Variants in FUT8 observed in about 807,000 individuals in gnomAD.
The protein encoded by FUT8 is alpha-(1,6)-fucosyltransferase.
Under a neutral mutation model 71.3 loss-of-function variants are expected in FUT8, and 29 were observed. The observed-to-expected ratio is 0.41, with a 90% CI of 0.30 to 0.55. The LOEUF (loss-of-function observed/expected upper bound fraction) is 0.55, where lower values mean the gene tolerates loss of function less well. Among genes scored for constraint, FUT8 ranks in the 20% least tolerant of loss-of-function variants. The pLI is 0.34. For missense variants in FUT8, 544 were observed against 702.1 expected (o/e 0.77, Z 2.55); for synonymous variants, 254 against 239.3 (o/e 1.06, Z -0.57).
chr14:65,409,034 G>T (rs1162096957), upstream of FUT8, among the ~76,000 whole-genome samples: 1 of 152,124 alleles, frequency 6.6e-6, no homozygotes, highest in African/African-American at 2.4e-5. This position sits in a 1 kb window ranked among gnomAD's most constrained non-coding sequence, Gnocchi z 5.4. Context: ...AAGTTGGCTA[G>T]ATTTATAGTT....
chr14:65,519,788 TA>T (rs1259813371), intron 2 of FUT8, among the ~76,000 whole-genome samples: 5 of 152,188 alleles, frequency 3.3e-5, no homozygotes, highest in South Asian at 2.1e-4. Flanking sequence ...TTTTTTAATA[TA>T]TTTTTTTGAG....
chr14:65,468,459 A>G (rs945099713), intron 2 of FUT8: 11 of 331,928 alleles, frequency 3.3e-5, no homozygotes, highest in African/African-American at 1.5e-4. Context: ...TTCTGAAGAG[A>G]AAGTTTGATC....
At position 65,724,000 on chromosome 14, in the gene FUT8, A is replaced by G. The variant is rs371296849; in HGVS notation, c.1083-147A>G. 5.7e-5 allele frequency: 28 copies of G among 490,774 alleles called. 3 individuals carry two copies. The highest frequency in any genetic ancestry group is 4.2e-4 in the African/African-American group (21 of 50,446). The allele number at this position is 490,774 out of a possible 1,614,324, so 30.4% of individuals were successfully genotyped here. On this transcript the variant is annotated intron_variant, in intron 8 of 10. Transcript: ENST00000673929. ...TGTATTTTTGAGTTTTTAAAATACT[A>G]TGTGTTTTACTTTTTCTAATAGTGA...
At chr14:65,606,757 G>A (rs1253308658) in intron 3 of FUT8, among the ~76,000 whole-genome samples, 2 of 151,604 alleles carry the variant, frequency 1.3e-5, no homozygotes, top group African/African-American at 4.8e-5. Flanking sequence ...TTTGCAAAAT[G>A]AACTAGCTTA....
chr14:65,530,627 A>T (rs1241077301), intron 2 of FUT8, among the ~76,000 whole-genome samples: 3 of 152,174 alleles, frequency 2.0e-5, no homozygotes, highest in African/African-American at 7.2e-5. Context: ...CTGTTAAGTA[A>T]AGCCTGCTTT....
the FUT8 span, among the ~76,000 whole-genome samples, chr14:65,385,307 G>C: frequency 7.2e-5 from 11 of 152,070 alleles, no homozygotes; most frequent in African/African-American, 2.7e-4. Context: ...CCGAAGTGTT[G>C]CATATAAAAA....
Position 65,721,825 on chromosome 14 carries a change from A to G in FUT8, c.886A>G (p.Ser296Gly), listed in dbSNP as rs748674957. 3 of 1,614,102 alleles carry G rather than the reference A, an allele frequency of 1.9e-6. No homozygotes were observed. Among genetic ancestry groups the G allele is most frequent in the Admixed American group, 1.7e-5 (1 of 60,012 alleles). The change falls in exon 8 of 11, where the codon AGT becomes GGT. Residue 296 changes from serine to glycine, a missense_variant. Physicochemically the swap from Ser to Gly is moderately conservative, Grantham distance 56. Transcript: ENST00000673929. The stretch of plus-strand genomic sequence containing the variant: ...AGTGGTCGAGCTTCCCATTGTAGAC[A>G]GTCTTCATCCCCGTCCTCCATATTT... ...VQVVELPIVD[S>G]LHPRPPYLPL...
chr14:65,545,044 A>G (rs1404116910), intron 2 of FUT8, among the ~76,000 whole-genome samples: 2 of 135,900 alleles, frequency 1.5e-5, no homozygotes, highest in African/African-American at 2.8e-5. Context: ...CGTTGTCTTC[A>G]TTTCAGTTTA....
chr14:65,658,040 C>T (rs1699529726), intron 6 of FUT8, among the ~76,000 whole-genome samples: 1 of 152,116 alleles, frequency 6.6e-6, no homozygotes, highest in Admixed American at 6.6e-5. Context: ...AAGCCATAGA[C>T]TGAGAGAAAT....
In FUT8 at chr14:65,436,608, G is replaced by A. The variant is rs373680652; in HGVS notation, c.-325-19013G>A. Reference sequence around the variant, plus strand: ...CGTGCCACTGCACTCCAGCCTGGGCGACAGAGCGAGACTCCCTCTCAAAAA... The same window carrying A: ...CGTGCCACTGCACTCCAGCCTGGGCAACAGAGCGAGACTCCCTCTCAAAAA... On this transcript the variant is annotated intron_variant, in intron 1 of 10. Transcript: ENST00000673929. Among the ~76,000 whole-genome samples, 79 of 144,736 alleles carry A rather than the reference G, an allele frequency of 5.5e-4. 2 individuals are homozygous for A. In the East Asian group the frequency reaches 0.011, roughly 20 times the overall value. 95.0% of individuals were successfully genotyped at this position (144,736 alleles called of 152,430 possible). A position where few individuals can be genotyped will look rare whatever the true frequency, so the allele number is the denominator to read the frequency against.
At chr14:65,400,233 T>C in the FUT8 span, among the ~76,000 whole-genome samples, 1 of 152,198 alleles carries the variant, frequency 6.6e-6, no homozygotes, top group East Asian at 1.9e-4. Context: ...CAAATAACTA[T>C]TCAACCGTGC....
rs1397683449 is a variant in FUT8 at position 65,736,598 on chromosome 14, A to G, written c.1410+3217A>G. On this transcript the variant is annotated intron_variant, in intron 10 of 10. Coordinates refer to ENST00000673929, the MANE Select transcript of FUT8 (RefSeq NM_001371533.1). ...CAGAAACAAAAGTTCTTCATTCCCA[A>G]AAGGTGAGTGAAGACTTAGTATTTG... Among the ~76,000 whole-genome samples the G allele has an allele frequency of 3.3e-5, 5 of 152,060 alleles. No homozygotes were observed. The East Asian group carries it at 7.7e-4, about 23-fold the overall frequency.
At chr14:65,598,181 C>G (rs1008100150) in intron 3 of FUT8, among the ~76,000 whole-genome samples, 1 of 151,990 alleles carries the variant, frequency 6.6e-6, no homozygotes, top group African/African-American at 2.4e-5. Flanking sequence ...TTTTATTATT[C>G]TATTATGTAA....
chr14:65,571,383 G>A (rs1278140620), intron 3 of FUT8, among the ~76,000 whole-genome samples: 1 of 152,108 alleles, frequency 6.6e-6, no homozygotes, highest in Non-Finnish European at 1.5e-5. Context: ...GCCAGAAAAT[G>A]TGTGGCACAA....
At chr14:65,530,351 C>G (rs552939552) in intron 2 of FUT8, among the ~76,000 whole-genome samples, 1 of 152,202 alleles carries the variant, frequency 6.6e-6, no homozygotes, top group East Asian at 1.9e-4. Flanking sequence ...TTTTCAATGT[C>G]AGATCATCAG....
intron 2 of FUT8, among the ~76,000 whole-genome samples, chr14:65,515,707 C>CT (rs1260910336): frequency 6.6e-6 from 1 of 152,008 alleles, no homozygotes; most frequent in Non-Finnish European, 1.5e-5. Context: ...AATATAATTT[C>CT]TTTGACATAA....
intron 1 of FUT8, among the ~76,000 whole-genome samples, chr14:65,449,364 T>G (rs1253233833): frequency 1.3e-5 from 2 of 152,278 alleles, no homozygotes; most frequent in Non-Finnish European, 2.9e-5. Flanking sequence ...TTTTGTTCAC[T>G]TATTCCTAGA....
chr14:65,639,097 A>T (rs927127744), intron 6 of FUT8, among the ~76,000 whole-genome samples: 1 of 151,988 alleles, frequency 6.6e-6, no homozygotes, highest in East Asian at 1.9e-4. Flanking sequence ...CTTTTCCAAG[A>T]TAAAAAAAAA....
At chr14:65,518,246 G>T (rs936749270) in intron 2 of FUT8, among the ~76,000 whole-genome samples, 1 of 152,230 alleles carries the variant, frequency 6.6e-6, no homozygotes, top group African/African-American at 2.4e-5. Flanking sequence ...TATTTTCTTT[G>T]AATGATGTTT....
Sources: gnomAD v4.1 joint callset for allele counts (sites outside exome capture counted in the v4.1 genomes callset) on GRCh38, gnomAD v4.1.1 for gene constraint, Gnocchi (gnomAD v3.1) non-coding constraint, MANE v1.5 for transcripts, NCBI Gene and HGNC (gene_info 2026-07-23, HGNC 2026-07-21) for gene names.